EXOC4: variants seen among roughly 807,000 people sequenced by gnomAD.
The protein encoded by EXOC4 is SEC8-like 1.
In EXOC4, 71 loss-of-function variants were observed where a neutral mutation model predicts 107.2. The ratio of observed to expected loss-of-function variants is 0.66; its 90% CI spans 0.55 to 0.81. EXOC4 has a LOEUF of 0.81. Ranked by LOEUF, EXOC4 falls within the 30% of genes least tolerant of loss-of-function variation. The probability of loss-of-function intolerance (pLI) is 0.00; values close to 1 mark genes in which losing one functional copy is unlikely to be tolerated. For missense variants in EXOC4, 1,108 were observed against 1,189.6 expected (o/e 0.93, Z 1.01); for synonymous variants, 456 against 441.2 (o/e 1.03, Z -0.42).
chr7:133,942,774 A>C (rs1480337111), intron 14 of EXOC4, among the ~76,000 whole-genome samples: 1 of 152,218 alleles, frequency 6.6e-6, no homozygotes, highest in Non-Finnish European at 1.5e-5. Flanking sequence ...TAATGCTTAC[A>C]AGCAAGTTGT....
chr7:133,724,005 T>C (rs1272534619), intron 10 of EXOC4, among the ~76,000 whole-genome samples: 1 of 152,104 alleles, frequency 6.6e-6, no homozygotes, highest in Non-Finnish European at 1.5e-5. Context: ...AAGCCCTGAG[T>C]TATATATATA....
At chr7:133,651,159 C>G (rs1166432357) in intron 10 of EXOC4, among the ~76,000 whole-genome samples, 1 of 151,992 alleles carries the variant, frequency 6.6e-6, no homozygotes, top group Non-Finnish European at 1.5e-5. Context: ...TAAAACGTCC[C>G]TTTCTACTCA....
chr7:133,464,928 TC>T (rs1798691708), intron 7 of EXOC4, among the ~76,000 whole-genome samples: 1 of 149,970 alleles, frequency 6.7e-6, no homozygotes, highest in South Asian at 2.2e-4. Context: ...CAAGGGATCT[TC>T]CTAGGTCAGC....
chr7:134,006,067 C>G (rs1261345108), intron 16 of EXOC4, among the ~76,000 whole-genome samples: 2 of 152,200 alleles, frequency 1.3e-5, no homozygotes, highest in African/African-American at 4.8e-5. Flanking sequence ...CTGCAGCTTT[C>G]AGCTGCAGTG....
At chr7:133,919,259 A>G (rs906039850) in intron 13 of EXOC4, among the ~76,000 whole-genome samples, 4 of 152,164 alleles carry the variant, frequency 2.6e-5, no homozygotes, top group African/African-American at 9.7e-5. Flanking sequence ...AACTTGAACA[A>G]AAAGTACAGA....
At chr7:133,421,681 C>G (rs1797610450) in intron 7 of EXOC4, among the ~76,000 whole-genome samples, 1 of 152,130 alleles carries the variant, frequency 6.6e-6, no homozygotes, top group African/African-American at 2.4e-5. Flanking sequence ...AATTTTCCCT[C>G]TTTTGTTCAA....
intron 10 of EXOC4, among the ~76,000 whole-genome samples, chr7:133,754,474 A>C (rs1476745563): frequency 6.6e-6 from 1 of 152,206 alleles, no homozygotes; most frequent in Non-Finnish European, 1.5e-5. Context: ...TCAGTAGTGG[A>C]ACTATGGAGG....
intron 11 of EXOC4, among the ~76,000 whole-genome samples, chr7:133,829,867 T>A (rs1022808592): frequency 6.6e-6 from 1 of 152,218 alleles, no homozygotes; most frequent in Non-Finnish European, 1.5e-5. Flanking sequence ...TAACAGGTTA[T>A]CTATGTCATT....
chr7:133,469,858 A>T (rs1280779004), intron 7 of EXOC4, among the ~76,000 whole-genome samples: 1 of 152,146 alleles, frequency 6.6e-6, no homozygotes, highest in Non-Finnish European at 1.5e-5. Flanking sequence ...TGATTTTTCT[A>T]TCTGTAAAAG....
At chr7:134,069,045 C>T (rs1232651886), downstream of EXOC4, among the ~76,000 whole-genome samples, 1 of 152,212 alleles carries the variant, frequency 6.6e-6, no homozygotes, top group East Asian at 1.9e-4. Context: ...CATATTTCCC[C>T]TCTCGATTCT....
chr7:133,366,904 G>A (rs1031943274), intron 6 of EXOC4, among the ~76,000 whole-genome samples: 1 of 152,132 alleles, frequency 6.6e-6, no homozygotes, highest in Non-Finnish European at 1.5e-5. Flanking sequence ...CCTGGCAAAA[G>A]GCAACATGGC....
chr7:133,388,159 A>G (rs1796770365), intron 7 of EXOC4, among the ~76,000 whole-genome samples: 1 of 152,132 alleles, frequency 6.6e-6, no homozygotes, highest in South Asian at 2.1e-4. Context: ...TCAGAAATTG[A>G]ACCAGTAGAA....
intron 17 of EXOC4, among the ~76,000 whole-genome samples, chr7:134,034,518 G>C (rs200729587): frequency 6.6e-6 from 1 of 152,156 alleles, no homozygotes; most frequent in African/African-American, 2.4e-5. Context: ...TGTTTTTCTC[G>C]TGATAGTGAG....
the EXOC4 span, among the ~76,000 whole-genome samples, chr7:134,074,037 C>T: frequency 1.3e-5 from 2 of 152,364 alleles, no homozygotes; most frequent in African/African-American, 4.8e-5. Context: ...ACAGGCATCC[C>T]TCACAGTTGC....
At chr7:133,649,471 T>TTC (rs1554376450) in intron 10 of EXOC4, among the ~76,000 whole-genome samples, 2 of 18,840 alleles carry the variant, frequency 1.1e-4, no homozygotes, top group Non-Finnish European at 2.5e-4. Context: ...CTTTTTCTTT[T>TTC]TTTTTTTTTT....
intron 15 of EXOC4, among the ~76,000 whole-genome samples, chr7:134,002,290 A>G (rs1794547577): frequency 6.6e-6 from 1 of 152,176 alleles, no homozygotes; most frequent in Non-Finnish European, 1.5e-5. Flanking sequence ...TGAACTGCTT[A>G]TAAGAATATG....
intron 7 of EXOC4, among the ~76,000 whole-genome samples, chr7:133,433,526 C>T (rs914923387): frequency 2.0e-5 from 3 of 152,160 alleles, no homozygotes; most frequent in Non-Finnish European, 4.4e-5. Context: ...GTAGTCCAGC[C>T]TACAGCCAAG....
chr7:133,851,592 C>G (rs1798241376), intron 11 of EXOC4, among the ~76,000 whole-genome samples: 2 of 152,178 alleles, frequency 1.3e-5, no homozygotes, highest in South Asian at 4.1e-4. Context: ...CTGTGGGCAG[C>G]ACATTACAGC....
At chr7:133,658,145 CAG>C (rs1562895152) in intron 10 of EXOC4, among the ~76,000 whole-genome samples, 1 of 152,052 alleles carries the variant, frequency 6.6e-6, no homozygotes. Context: ...CCTTTTCTGT[CAG>C]AAAGTACAGC....
Sources: allele counts gnomAD v4.1 joint callset (sites outside exome capture counted in the v4.1 genomes callset), GRCh38; gene constraint gnomAD v4.1.1; transcripts MANE v1.5; gene names NCBI Gene and HGNC (gene_info 2026-07-23, HGNC 2026-07-21).